The following JAKMIP2 variants were observed in gnomAD, a reference collection of about 807,000 sequenced individuals.
The protein encoded by JAKMIP2 is janus kinase and microtubule interacting protein 2, also known as janus kinase and microtubule-interacting protein 2.
In JAKMIP2, 25 loss-of-function variants were observed where a neutral mutation model predicts 115.0. The ratio of observed to expected loss-of-function variants is 0.22; its 90% confidence interval spans 0.16 to 0.30. JAKMIP2 has a LOEUF of 0.30. JAKMIP2 is among the 10% of genes least tolerant of loss of function. The pLI is 1.00. For synonymous variants in JAKMIP2, 334 were observed against 343.6 expected, an observed-to-expected ratio of 0.97 and a Z score of 0.31; for missense variants, 642 against 957.6, an observed-to-expected ratio of 0.67 and a Z score of 4.35.
At chr5:147,654,605 G>C (rs1758582238) in intron 3 of JAKMIP2, among the ~76,000 whole-genome samples, 1 of 152,100 alleles carries the variant, frequency 6.6e-6, no homozygotes, top group Non-Finnish European at 1.5e-5. Flanking sequence ...AGCTTAAGGA[G>C]TTTTGGGCTG....
intron 2 of JAKMIP2, among the ~76,000 whole-genome samples, chr5:147,667,089 G>T (rs144100318): frequency 2.0e-5 from 3 of 152,078 alleles, no homozygotes; most frequent in African/African-American, 7.2e-5. Context: ...AGTTTCTTCA[G>T]TACGTATTGT....
chr5:147,633,141 C>A (rs1240509037), intron 12 of JAKMIP2, among the ~76,000 whole-genome samples: 1 of 152,150 alleles, frequency 6.6e-6, no homozygotes, highest in East Asian at 1.9e-4. Context: ...TCTCATTTCT[C>A]GAGTTATATT....
chr5:147,630,993 C>A (rs1365525850), intron 14 of JAKMIP2, among the ~76,000 whole-genome samples: 4 of 152,122 alleles, frequency 2.6e-5, no homozygotes, highest in South Asian at 2.1e-4. Flanking sequence ...GACTTCAAAC[C>A]TTTTCTAACT....
At chr5:147,660,324 A>G (rs1405805611) in intron 3 of JAKMIP2, 1 of 297,608 alleles carries the variant, frequency 3.4e-6, no homozygotes, top group Non-Finnish European at 6.8e-6. Context: ...ATAGCAAACA[A>G]CCTACTTAGG....
rs1051464244 is a variant in JAKMIP2, at chr5:147,585,618, A to T, written c.*6089T>A. The T allele has an allele frequency of 6.6e-6, 1 of 152,186 alleles. No individual in the cohort carries two copies. The highest frequency in any genetic ancestry group is 2.4e-5 in the African/African-American group (1 of 41,440). 9.4% of individuals were successfully genotyped at this position (152,186 alleles called of 1,614,324 possible). A position where few individuals can be genotyped will look rare whatever the true frequency, so the allele number is the denominator to read the frequency against. On this transcript the variant is annotated 3_prime_UTR_variant, in exon 22 of 22. Coordinates refer to ENST00000616793, the MANE Select transcript of JAKMIP2 (RefSeq NM_001270941.2). ...GTACATATTCGGTGTACTTCAGAGG[A>T]TCATTCTGGTGAAACTCAGTCAATT...
At chr5:147,628,989 G>A (rs1239525746) in intron 15 of JAKMIP2, among the ~76,000 whole-genome samples, 173 bp from the exon 16 acceptor site, 1 of 152,146 alleles carries the variant, frequency 6.6e-6, no homozygotes, top group African/African-American at 2.4e-5. Context: ...AAACCCGGAA[G>A]AAGTATATTA....
chr5:147,636,661 G>A (rs1055292190), intron 11 of JAKMIP2, among the ~76,000 whole-genome samples: 4 of 152,158 alleles, frequency 2.6e-5, no homozygotes, highest in African/African-American at 9.7e-5. Flanking sequence ...GGCAAAGAAC[G>A]CAGCTGGAGG....
chr5:147,662,737 C>T (rs1421728831), intron 2 of JAKMIP2, among the ~76,000 whole-genome samples: 1 of 152,108 alleles, frequency 6.6e-6, no homozygotes, highest in African/African-American at 2.4e-5. Context: ...GTAATCCCAG[C>T]ACTTTGGGAG....
At position 147,635,177 on chromosome 5, in the gene JAKMIP2, C is replaced by CA. The variant is rs201577037; in HGVS notation, c.1677+1044dup. ...GGGCAACAAGAGTAAAACTCCGTCTCAAAAAAAAAAATTATTTTGAAATCT... is the reference window on the plus strand; with the variant it reads ...GGGCAACAAGAGTAAAACTCCGTCTCAAAAAAAAAAAATTATTTTGAAATCT... On this transcript the variant is annotated intron_variant, in intron 12 of 21. Transcript: ENST00000616793. Among the ~76,000 whole-genome samples, 45 of 144,786 alleles carry CA rather than the reference C, an allele frequency of 3.1e-4. 1 individual carries two copies. The highest frequency in any genetic ancestry group is 5.9e-4 in the East Asian group (3 of 5,044). The allele number at this position is 144,786 out of a possible 152,430, so 95.0% of individuals were successfully genotyped here. A position where few individuals can be genotyped will look rare whatever the true frequency, so the allele number is the denominator to read the frequency against.
Position 147,586,020 on chromosome 5 carries a change from T to C in JAKMIP2, c.*5687A>G, listed in dbSNP as rs539410103. On this transcript the variant is annotated 3_prime_UTR_variant, in exon 22 of 22. Coordinates refer to ENST00000616793, the MANE Select transcript of JAKMIP2 (RefSeq NM_001270941.2). ...AAACAAATAAAAAAAACCTATTTGC[T>C]GGTTTATGGGCCTGGATAATTGAAA... 4 of 151,720 alleles carry C rather than the reference T, an allele frequency of 2.6e-5. No homozygotes were observed. The highest frequency in any genetic ancestry group is 2.6e-4 in the Admixed American group (4 of 15,254). The allele number at this position is 151,720 out of a possible 1,614,324, so 9.4% of individuals were successfully genotyped here. A position where few individuals can be genotyped will look rare whatever the true frequency, so the allele number is the denominator to read the frequency against.
intron 12 of JAKMIP2, among the ~76,000 whole-genome samples, chr5:147,635,859 C>T (rs1757586744): frequency 6.6e-6 from 1 of 152,158 alleles, no homozygotes; most frequent in South Asian, 2.1e-4. Context: ...CTGTGCCTGG[C>T]CCTCATAGAG....
intron 1 of JAKMIP2, among the ~76,000 whole-genome samples, chr5:147,677,890 C>A (rs1236066014): frequency 1.3e-5 from 2 of 152,152 alleles, no homozygotes; most frequent in Non-Finnish European, 2.9e-5. Context: ...ATTAACTATA[C>A]TCACCATGTT....
chr5:147,661,447 T>TA lies in JAKMIP2; in HGVS notation c.130-3dup, dbSNP rs1487553684. The TA allele has an allele frequency of 1.9e-6, 3 of 1,605,462 alleles. No individual in the cohort carries two copies. In the Admixed American group the frequency reaches 5.1e-5, roughly 27 times the overall value. On this transcript the variant is annotated splice_region_variant and splice_polypyrimidine_tract_variant and intron_variant, in intron 2 of 21. Coordinates refer to ENST00000616793, the MANE Select transcript of JAKMIP2 (RefSeq NM_001270941.2). ...CTTCTCTCTTTCAAGCTTTGATACC[T>TA]AAAAACAGAGAGGCGAAATGATGAA...
intron 1 of JAKMIP2, among the ~76,000 whole-genome samples, chr5:147,765,368 C>T (rs1308545641): frequency 6.6e-6 from 1 of 152,018 alleles, no homozygotes; most frequent in Non-Finnish European, 1.5e-5. Context: ...TACTTTGGTC[C>T]ACTTGACGTG....
chr5:147,776,158 G>A (rs1755546411), intron 1 of JAKMIP2, among the ~76,000 whole-genome samples: 1 of 152,052 alleles, frequency 6.6e-6, no homozygotes, highest in Admixed American at 6.6e-5. Context: ...AATGAATATA[G>A]TGAAAAAAAT....
intron 1 of JAKMIP2, among the ~76,000 whole-genome samples, chr5:147,707,045 T>C (rs1752586381): frequency 6.6e-6 from 1 of 152,194 alleles, no homozygotes; most frequent in South Asian, 2.1e-4. Context: ...ATAAACTTTT[T>C]AATACAGGCA....
chr5:147,671,883 G>T lies in JAKMIP2; in HGVS notation c.-77C>A. The T allele has an allele frequency of 1.4e-6, 2 of 1,424,294 alleles. No individual in the cohort carries two copies. The highest frequency in any genetic ancestry group is 4.7e-5 in the Admixed American group (2 of 42,196). The allele number at this position is 1,424,294 out of a possible 1,614,324, so 88.2% of individuals were successfully genotyped here. ...CTGCCATGTTACTGTTTCTTATCCTGGAGTACGATGTCTCAGCATCTACTG... is the reference window on the plus strand; with the variant it reads ...CTGCCATGTTACTGTTTCTTATCCTTGAGTACGATGTCTCAGCATCTACTG... On this transcript the variant is annotated 5_prime_UTR_variant, in exon 2 of 22. Transcript: ENST00000616793.
chr5:147,592,340 G>T (rs1755139683), intron 21 of JAKMIP2, among the ~76,000 whole-genome samples: 1 of 152,108 alleles, frequency 6.6e-6, no homozygotes, highest in Non-Finnish European at 1.5e-5. Flanking sequence ...TTGGCAAATT[G>T]TCTCCACCTA....
At chr5:147,686,133 C>G (rs539642183) in intron 1 of JAKMIP2, among the ~76,000 whole-genome samples, 171 of 152,262 alleles carry the variant, frequency 1.1e-3, no homozygotes, top group African/African-American at 3.9e-3. Context: ...TCTAAAGTGC[C>G]TCTCCTCTTC....
Sources: allele counts gnomAD v4.1 joint callset (sites outside exome capture counted in the v4.1 genomes callset), GRCh38; gene constraint gnomAD v4.1.1; transcripts MANE v1.5; gene names NCBI Gene and HGNC (gene_info 2026-07-23, HGNC 2026-07-21).